Variants in ANKS6 observed in about 807,000 individuals in gnomAD.
The protein encoded by ANKS6 is ankyrin repeat and SAM domain-containing protein 6.
Under a neutral mutation model 77.9 loss-of-function variants are expected in ANKS6, and 47 were observed. The ratio of observed to expected loss-of-function variants is 0.60; its 90% CI spans 0.48 to 0.77. The LOEUF (loss-of-function observed/expected upper bound fraction) is 0.77, where lower values mean the gene tolerates loss of function less well. Among genes scored for constraint, ANKS6 ranks in the 30% least tolerant of loss-of-function variants. The probability of loss-of-function intolerance (pLI) is 0.00; values close to 1 mark genes in which losing one functional copy is unlikely to be tolerated. For synonymous variants in ANKS6, 488 were observed against 501.7 expected, an observed-to-expected ratio of 0.97 and a Z score of 0.37; for missense variants, 1,150 against 1,159.1, an observed-to-expected ratio of 0.99 and a Z score of 0.11.
Position 98,773,867 on chromosome 9 carries a change from G to A in ANKS6, c.1821+10C>T. ...AGTGATGTGTAAAAGTGTGTCAGAA[G>A]ACAACTTACAGTGTCTGTGCCCCCG... On this transcript the variant is annotated intron_variant, in intron 9 of 14. Coordinates refer to ENST00000353234, the MANE Select transcript of ANKS6 (RefSeq NM_173551.5). 6.6e-7 allele frequency: 1 copy of A among 1,518,964 alleles called. No individual in the cohort carries two copies. Among genetic ancestry groups the A allele is most frequent in the Non-Finnish European group, 8.8e-7 (1 of 1,137,646 alleles). 94.1% of individuals were successfully genotyped at this position (1,518,964 alleles called of 1,614,324 possible).
rs750988281 is a variant in ANKS6, at chr9:98,778,303, G to C, written c.1490C>G (p.Ser497Cys). The change falls in exon 7 of 15, where the codon TCC becomes TGC. Residue 497 changes from serine (S) to cysteine (C), a missense_variant. Physicochemically the swap from Ser to Cys is moderately radical, Grantham distance 112. Coordinates refer to ENST00000353234, the MANE Select transcript of ANKS6 (RefSeq NM_173551.5). The part of the protein sequence containing the change: ...FSDEPEPALD[S>C]TMRAAPQDKT... ...GTCCTGGGGGGCAGCCCTCATTGTGGAGTCCAGAGCTGGCTCAGGCTCGTC... is the reference window on the plus strand; with the variant it reads ...GTCCTGGGGGGCAGCCCTCATTGTGCAGTCCAGAGCTGGCTCAGGCTCGTC... 6.2e-7 allele frequency: 1 copy of C among 1,614,176 alleles called. No homozygotes were observed. Among genetic ancestry groups the C allele is most frequent in the Non-Finnish European group, 8.5e-7 (1 of 1,180,036 alleles).
In ANKS6 at chr9:98,735,154, G is replaced by A. The variant is rs929774451; in HGVS notation, c.*1365C>T. 1 of 985,466 alleles carries A rather than the reference G, an allele frequency of 1.0e-6. No homozygotes were observed. Among genetic ancestry groups the A allele is most frequent in the Non-Finnish European group, 1.2e-6 (1 of 829,960 alleles). The allele number at this position is 985,466 out of a possible 1,614,324, so 61.0% of individuals were successfully genotyped here. A position where few individuals can be genotyped will look rare whatever the true frequency, so the allele number is the denominator to read the frequency against. On this transcript the variant is annotated 3_prime_UTR_variant, in exon 15 of 15. Coordinates refer to ENST00000353234, the MANE Select transcript of ANKS6 (RefSeq NM_173551.5). ...CGACTGGGTACTTCCTGCAGACCCA[G>A]CACTTTGGGCATACTGGTTCTAAGC...
At chr9:98,790,666 G>A in intron 1 of ANKS6, 60 bp from the exon 2 acceptor site, 2 of 1,551,968 alleles carry the variant, frequency 1.3e-6, no homozygotes, top group African/African-American at 1.4e-5. Context: ...GCCAGCTTAT[G>A]TCATCCTTAA....
chr9:98,787,628 GATGTCGTCT>G (rs923070834), intron 2 of ANKS6, among the ~76,000 whole-genome samples: 2 of 152,138 alleles, frequency 1.3e-5, no homozygotes, highest in South Asian at 2.1e-4. Flanking sequence ...CCATTTATTG[GATGTCGTCT>G]ATGTGCCAGG....
Position 98,774,059 on chromosome 9 carries a change from T to C in ANKS6, c.1639A>G (p.Thr547Ala). Reference protein sequence around the residue: ...TTMLRNGAPLTRLPSDKLKAV... With the variant: ...TTMLRNGAPLARLPSDKLKAV... Reference sequence around the variant, plus strand: ...TTCAGCTTGTCACTCGGGAGTCTGGTGAGGGGAGCTCCGTTTCGAAGCTGA... The same window carrying C: ...TTCAGCTTGTCACTCGGGAGTCTGGCGAGGGGAGCTCCGTTTCGAAGCTGA... Residue 547 changes from threonine (T) to alanine (A), a missense_variant, in exon 9 of 15, where the codon ACC becomes GCC. Physicochemically the swap from Thr to Ala is moderately conservative, Grantham distance 58. Coordinates refer to ENST00000353234, the MANE Select transcript of ANKS6 (RefSeq NM_173551.5). 6.6e-7 allele frequency: 1 copy of C among 1,521,670 alleles called. No individual in the cohort carries two copies. 94.3% of individuals were successfully genotyped at this position (1,521,670 alleles called of 1,614,324 possible). A position where few individuals can be genotyped will look rare whatever the true frequency, so the allele number is the denominator to read the frequency against.
At position 98,745,542 on chromosome 9, in the gene ANKS6, G is replaced by C. The variant is rs892498638; in HGVS notation, c.2511+17C>G. 26 of 1,601,498 alleles carry C rather than the reference G, an allele frequency of 1.6e-5. No individual in the cohort carries two copies. Among genetic ancestry groups the C allele is most frequent in the Admixed American group, 6.7e-5 (4 of 59,992 alleles). ...AGATGTCTGAAACACGGAAATACAA[G>C]AAACAGAGAACGGTACCTTGCCTGC... On this transcript the variant is annotated intron_variant, in intron 14 of 14. Transcript: ENST00000353234.
intron 8 of ANKS6, among the ~76,000 whole-genome samples, chr9:98,776,906 T>C (rs977958308): frequency 2.6e-5 from 4 of 152,242 alleles, no homozygotes; most frequent in Non-Finnish European, 5.9e-5. Context: ...AGCCATATAC[T>C]AGTTCTGGAC....
In ANKS6 at chr9:98,736,309, C is replaced by CTGT; in HGVS notation, c.*207_*209dup. The CTGT allele has an allele frequency of 7.2e-7, 1 of 1,397,636 alleles. No individual in the cohort carries two copies. Among genetic ancestry groups the CTGT allele is most frequent in the Non-Finnish European group, 9.3e-7 (1 of 1,080,356 alleles). 86.6% of individuals were successfully genotyped at this position (1,397,636 alleles called of 1,614,324 possible). ...GCCAAGCAGAAGCACCCCCACTGGACTGTTACATGGGAATCTGTCTCTGTG... is the reference window on the plus strand; with the variant it reads ...GCCAAGCAGAAGCACCCCCACTGGACTGTTGTTACATGGGAATCTGTCTCTGTG... On this transcript the variant is annotated 3_prime_UTR_variant, in exon 15 of 15. Transcript: ENST00000353234.
Position 98,791,098 on chromosome 9 carries a change from C to T in ANKS6, c.360-492G>A, listed in dbSNP as rs1834881434. 6.6e-6 allele frequency among the ~76,000 whole-genome samples: 1 copy of T among 152,212 alleles called. No individual in the cohort carries two copies. Among genetic ancestry groups the T allele is most frequent in the South Asian group, 2.1e-4 (1 of 4,834 alleles). On this transcript the variant is annotated intron_variant, in intron 1 of 14. Coordinates refer to ENST00000353234, the MANE Select transcript of ANKS6 (RefSeq NM_173551.5). This position sits in a 1 kb window ranked among gnomAD's most constrained non-coding sequence, Gnocchi z 4.3. ...GGGTCAGGACAGGTCTGTGTGAATG[C>T]CGCTGCCCTTGCTTTTTCTCTTACA...
At chr9:98,736,862 C>T (rs1831529309) in intron 14 of ANKS6, among the ~76,000 whole-genome samples, 1 of 152,156 alleles carries the variant, frequency 6.6e-6, no homozygotes, top group Non-Finnish European at 1.5e-5. Context: ...ATGCAGGACC[C>T]CAAACCCCTG....
At chr9:98,768,603 C>A (rs556846075) in intron 10 of ANKS6, among the ~76,000 whole-genome samples, 26 of 152,338 alleles carry the variant, frequency 1.7e-4, no homozygotes, top group African/African-American at 5.8e-4. Context: ...CTCTGCAGAG[C>A]CGGCCAGCAG....
At position 98,733,512 on chromosome 9, in the gene ANKS6, C is replaced by A; in HGVS notation, c.*3007G>T. On this transcript the variant is annotated 3_prime_UTR_variant, in exon 15 of 15. Coordinates refer to ENST00000353234, the MANE Select transcript of ANKS6 (RefSeq NM_173551.5). ...CAAGCAGGCCACCTCTGCAGAGCTGCTGGGGAGAAAAAGGTGACCACCAAG... is the reference window on the plus strand; with the variant it reads ...CAAGCAGGCCACCTCTGCAGAGCTGATGGGGAGAAAAAGGTGACCACCAAG... The A allele has an allele frequency of 3.0e-6, 3 of 985,484 alleles. No homozygotes were observed. The highest frequency in any genetic ancestry group is 3.6e-6 in the Non-Finnish European group (3 of 829,968). 61.0% of individuals were successfully genotyped at this position (985,484 alleles called of 1,614,324 possible). A position where few individuals can be genotyped will look rare whatever the true frequency, so the allele number is the denominator to read the frequency against.
intron 14 of ANKS6, 122 bp downstream of exon 14, chr9:98,745,437 G>A: frequency 1.1e-6 from 1 of 893,658 alleles, no homozygotes; most frequent in Admixed American, 2.0e-5. Context: ...AGGCCATGCT[G>A]GGAGGTAGTG....
rs751555346 is a variant in ANKS6, at chr9:98,780,334, G to T, written c.1223C>A (p.Thr408Lys). The change falls in exon 6 of 15, where the codon ACG (threonine) becomes AAG (lysine). Residue 408 changes from threonine to lysine, a missense_variant. Transcript: ENST00000353234. Reference sequence around the variant, plus strand: ...AGATGCCAGCAGTCGAACAAGTTCCGTGTCTATGGACACAAAAGGCATCAT... The same window carrying T: ...AGATGCCAGCAGTCGAACAAGTTCCTTGTCTATGGACACAAAAGGCATCAT... ...DLVMLLNDPD[T>K]ELVRLLASVC... 1.3e-6 allele frequency: 2 copies of T among 1,590,372 alleles called. No individual in the cohort carries two copies. Among genetic ancestry groups the T allele is most frequent in the East Asian group, 2.3e-5 (1 of 44,372 alleles).
chr9:98,784,351 A>T (rs1445228272), intron 3 of ANKS6, 194 bp from the exon 4 acceptor site: 3 of 496,028 alleles, frequency 6.0e-6, no homozygotes, highest in Admixed American at 3.8e-5. Context: ...CGAGACAGAG[A>T]CAAACACACG....
chr9:98,790,454 T>C lies in ANKS6; in HGVS notation c.512A>G (p.Asp171Gly), dbSNP rs763101966. ...TTGCTCGCCTGAAGGGTGGTGATGG[T>C]CCACAAAGGCACCGGCTTCCAGGAG... ...KLLLEAGAFV[D>G]HHHPSGEQLG... Residue 171 changes from aspartate (D) to glycine (G), a missense_variant, in exon 2 of 15, where the codon GAC (aspartate) becomes GGC (glycine). By Grantham distance (94) the Asp-to-Gly change is moderately conservative (BLOSUM62 -1). Coordinates refer to ENST00000353234, the MANE Select transcript of ANKS6 (RefSeq NM_173551.5). The C allele has an allele frequency of 1.2e-6, 2 of 1,613,700 alleles. No individual in the cohort carries two copies. Among genetic ancestry groups the C allele is most frequent in the Non-Finnish European group, 1.7e-6 (2 of 1,179,986 alleles).
rs542146731 is a variant in ANKS6 at position 98,733,286 on chromosome 9, C to T, written c.*3233G>A. 1.6e-4 allele frequency: 155 copies of T among 985,550 alleles called. 2 individuals carry two copies. In the Admixed American group the frequency reaches 7.4e-3, roughly 47 times the overall value. The allele number at this position is 985,550 out of a possible 1,614,324, so 61.1% of individuals were successfully genotyped here. A position where few individuals can be genotyped will look rare whatever the true frequency, so the allele number is the denominator to read the frequency against. On this transcript the variant is annotated 3_prime_UTR_variant, in exon 15 of 15. Transcript: ENST00000353234. ...TGGCGCTGAAGAAGAGAGGCAGGAG[C>T]CCTCCGTGGCCAGCAGGGACTTGGA...
At chr9:98,782,344 G>C in intron 5 of ANKS6, 123 bp downstream of exon 5, 1 of 863,422 alleles carries the variant, frequency 1.2e-6, no homozygotes, top group East Asian at 2.6e-5. Context: ...TGACACTTGA[G>C]AGTGACTTTC....
chr9:98,773,895 G>T lies in ANKS6; in HGVS notation c.1803C>A (p.Gly601=). ...PQRASRGHPV[G]GGGTDTTPVR... ...AACTTACAGTGTCTGTGCCCCCGCC[G>T]CCCACGGGGTGGCCCCTGCTGGCTC... Residue 601 remains glycine (G), a synonymous_variant, in exon 9 of 15, where the codon GGC becomes GGA. Transcript: ENST00000353234. 6.4e-7 allele frequency: 1 copy of T among 1,567,678 alleles called. No individual in the cohort carries two copies.
Sources: allele counts gnomAD v4.1 joint callset (sites outside exome capture counted in the v4.1 genomes callset), GRCh38; gene constraint gnomAD v4.1.1; non-coding constraint Gnocchi (gnomAD v3.1); transcripts MANE v1.5; gene names NCBI Gene and HGNC (gene_info 2026-07-23, HGNC 2026-07-21).